Variants in PTH2R observed in about 807,000 individuals in gnomAD.
PTH2R encodes parathyroid hormone 2 receptor, also known as PTH2 receptor.
A neutral mutation model predicts 60.3 loss-of-function variants in PTH2R; 59 were observed. The observed-to-expected ratio is 0.98, with a 90% CI of 0.79 to 1.22. The LOEUF (loss-of-function observed/expected upper bound fraction) is 1.22. PTH2R is among the 50% of genes most tolerant of loss of function. The pLI is 0.00. For synonymous variants in PTH2R, 256 were observed against 243.8 expected (o/e 1.05, Z -0.47); for missense variants, 749 against 682.6 (o/e 1.10, Z -1.08).
At position 208,493,480 on chromosome 2, in the gene PTH2R, T is replaced by G; in HGVS notation, c.1474T>G (p.Leu492Val). 6.2e-7 allele frequency: 1 copy of G among 1,612,630 alleles called. No homozygotes were observed. The highest frequency in any genetic ancestry group is 8.5e-7 in the Non-Finnish European group (1 of 1,179,064). Residue 492 changes from leucine (L) to valine (V), a missense_variant, in exon 13 of 13, where the codon TTA becomes GTA. Transcript: ENST00000272847. ...CAGACAGCCTGACAGCCACATCACT[T>G]TACCTGGCTATGTCTGGAGTAACTC... ...ASRQPDSHIT[L>V]PGYVWSNSEQ... is the part of the protein sequence containing the mutation.
chr2:208,411,298 A>G (rs1004040580), intron 1 of PTH2R, among the ~76,000 whole-genome samples: 1 of 152,212 alleles, frequency 6.6e-6, no homozygotes, highest in Admixed American at 6.5e-5. Context: ...TTATCTCTAT[A>G]CTGTGTTTAT....
intron 1 of PTH2R, among the ~76,000 whole-genome samples, chr2:208,380,304 A>G (rs1386978144): frequency 2.0e-5 from 3 of 152,146 alleles, no homozygotes; most frequent in Non-Finnish European, 4.4e-5. Context: ...AATTCACAAG[A>G]TGCTTGTATG....
intron 1 of PTH2R, among the ~76,000 whole-genome samples, chr2:208,424,058 G>A (rs10172822): frequency 0.19 from 29,297 of 151,846 alleles, 3,119 homozygotes; most frequent in South Asian, 0.26. Context: ...CACCACAATG[G>A]GAGTAGCCTT....
intron 1 of PTH2R, among the ~76,000 whole-genome samples, chr2:208,375,656 G>C (rs532381728): frequency 3.9e-5 from 6 of 152,156 alleles, no homozygotes; most frequent in African/African-American, 1.4e-4. Flanking sequence ...CCAGAGCCCA[G>C]CAGCCTGTGA....
chr2:208,434,299 CAA>C (rs59899639), intron 2 of PTH2R, among the ~76,000 whole-genome samples: 151 of 139,556 alleles, frequency 1.1e-3, no homozygotes, highest in African/African-American at 3.9e-3. Flanking sequence ...GACTCTGTCT[CAA>C]AAAAAAAAAA....
At position 208,464,144 on chromosome 2, in the gene PTH2R, G is replaced by T. The variant is rs568350764; in HGVS notation, c.981+4183G>T. Among the ~76,000 whole-genome samples the T allele has an allele frequency of 2.9e-3, 447 of 152,264 alleles. 1 individual carries two copies. The highest frequency in any genetic ancestry group is 4.6e-3 in the Non-Finnish European group (316 of 68,016). ...AAATCGATATTTACATTTTGAAAAAGTTATTAAGCTCTCACTTTTGTAATT... is the reference window on the plus strand; with the variant it reads ...AAATCGATATTTACATTTTGAAAAATTTATTAAGCTCTCACTTTTGTAATT... On this transcript the variant is annotated intron_variant, in intron 9 of 12. Transcript: ENST00000272847.
chr2:208,456,322 A>G (rs1173281871), intron 8 of PTH2R, among the ~76,000 whole-genome samples: 3 of 152,124 alleles, frequency 2.0e-5, no homozygotes, highest in African/African-American at 7.2e-5. Context: ...AAAGTGAGCA[A>G]TTTTGTTCTC....
chr2:208,427,357 T>G (rs929835734), intron 1 of PTH2R, among the ~76,000 whole-genome samples: 1 of 152,240 alleles, frequency 6.6e-6, no homozygotes, highest in African/African-American at 2.4e-5. Context: ...ATTTGCTCTT[T>G]TTGATATGTG....
intron 1 of PTH2R, among the ~76,000 whole-genome samples, chr2:208,398,186 T>A (rs1404268162): frequency 6.6e-6 from 1 of 152,192 alleles, no homozygotes; most frequent in Non-Finnish European, 1.5e-5. Context: ...AAAGTTAGTT[T>A]CTTTTGTCTC....
intron 1 of PTH2R, among the ~76,000 whole-genome samples, chr2:208,363,666 C>T (rs1700524127): frequency 6.6e-6 from 1 of 152,182 alleles, no homozygotes; most frequent in African/African-American, 2.4e-5. Flanking sequence ...TCTGCACAAC[C>T]TTACTAACAT....
Position 208,365,377 on chromosome 2 carries a change from C to A in PTH2R, c.-259+5140C>A, listed in dbSNP as rs913046745. On this transcript the variant is annotated intron_variant, in intron 1 of 12. Transcript: ENST00000617735. ...TTGAGTGTTTTTTTTCTTTTCTTTT[C>A]TTTTTTTGTGTGTGAAAGGATATTG... Among the ~76,000 whole-genome samples the A allele has an allele frequency of 9.9e-5, 15 of 151,530 alleles. No individual in the cohort carries two copies. The South Asian group carries it at 3.1e-3, about 31-fold the overall frequency.
Position 208,493,350 on chromosome 2 carries a change from C to A in PTH2R, c.1344C>A (p.Cys448Ter). ...KRTPPCGSRR[C>*]GSVLTTVTHS... The stretch of plus-strand genomic sequence containing the variant: ...CACCGCCATGTGGCAGCCGCAGATG[C>A]GGCTCAGTGCTCACCACCGTGACGC... The change falls in exon 13 of 13, where the codon TGC (cysteine) becomes TGA (stop). Residue 448 changes from cysteine to a stop codon, truncating the protein, a stop_gained. Coordinates refer to ENST00000272847, the MANE Select transcript of PTH2R (RefSeq NM_005048.4). LOFTEE classifies it low-confidence loss of function (END_TRUNC). The A allele has an allele frequency of 2.5e-6, 4 of 1,581,392 alleles. No homozygotes were observed. In the South Asian group the frequency reaches 4.6e-5, roughly 18 times the overall value.
rs60871321 is a variant in PTH2R, at chr2:208,465,388, C to CTTTTTT, written c.981+5454_981+5459dup. Among the ~76,000 whole-genome samples the CTTTTTT allele has an allele frequency of 4.4e-3, 177 of 39,942 alleles. 20 individuals are homozygous for CTTTTTT. Among genetic ancestry groups the CTTTTTT allele is most frequent in the East Asian group, 0.017 (17 of 1,028 alleles). 26.2% of individuals were successfully genotyped at this position (39,942 alleles called of 152,430 possible). A position where few individuals can be genotyped will look rare whatever the true frequency, so the allele number is the denominator to read the frequency against. On this transcript the variant is annotated intron_variant, in intron 9 of 12. Transcript: ENST00000272847. Reference sequence around the variant, plus strand: ...ACATACTTGTTGGCTATTTGTAAGTCTTTTTTTTTTTTTTTTTTTTTTTTT... The same window carrying CTTTTTT: ...ACATACTTGTTGGCTATTTGTAAGTCTTTTTTTTTTTTTTTTTTTTTTTTTTTTTTT...
rs572469501 is a variant in PTH2R at position 208,449,240 on chromosome 2, T to C, written c.854-1509T>C. 4.6e-5 allele frequency among the ~76,000 whole-genome samples: 7 copies of C among 152,330 alleles called. No individual in the cohort carries two copies. In the East Asian group the frequency reaches 1.3e-3, roughly 29 times the overall value. On this transcript the variant is annotated intron_variant, in intron 7 of 12. Transcript: ENST00000272847. Reference sequence around the variant, plus strand: ...CCAGAAGCAGCTGTCCCCTCCCCATTACATAGTATCACTTTTATTTATTCT... The same window carrying C: ...CCAGAAGCAGCTGTCCCCTCCCCATCACATAGTATCACTTTTATTTATTCT...
At chr2:208,434,278 C>T (rs1293106059) in intron 2 of PTH2R, among the ~76,000 whole-genome samples, 1 of 151,674 alleles carries the variant, frequency 6.6e-6, no homozygotes, top group African/African-American at 2.4e-5. Context: ...GTGCCACTAA[C>T]TCCAGAGTGA....
At chr2:208,409,633 G>A (rs556860364) in intron 1 of PTH2R, among the ~76,000 whole-genome samples, 2 of 152,204 alleles carry the variant, frequency 1.3e-5, no homozygotes, top group East Asian at 3.9e-4. Context: ...TTAGTATTCA[G>A]TAAACACTGG....
chr2:208,380,100 A>G (rs2125875887), intron 1 of PTH2R, among the ~76,000 whole-genome samples: 1 of 152,266 alleles, frequency 6.6e-6, no homozygotes, highest in South Asian at 2.1e-4. Context: ...AACATGTGTC[A>G]GGTTTCCCTG....
intron 9 of PTH2R, among the ~76,000 whole-genome samples, chr2:208,474,891 C>T (rs1218035566): frequency 1.3e-5 from 2 of 152,134 alleles, no homozygotes; most frequent in African/African-American, 4.8e-5. Flanking sequence ...GTATGAGAGA[C>T]TGTACTCTTG....
At chr2:208,452,790 G>A (rs572009443) in intron 8 of PTH2R, among the ~76,000 whole-genome samples, 7 of 152,268 alleles carry the variant, frequency 4.6e-5, no homozygotes, top group Admixed American at 3.3e-4. Context: ...TATTAAGTAA[G>A]TTAAAACTCA....
Sources: gnomAD v4.1 joint callset for allele counts (sites outside exome capture counted in the v4.1 genomes callset) on GRCh38, gnomAD v4.1.1 for gene constraint, MANE v1.5 for transcripts, NCBI Gene and HGNC (gene_info 2026-07-23, HGNC 2026-07-21) for gene names.